MX2: variants seen among roughly 807,000 people sequenced by gnomAD.
The protein encoded by MX2 is interferon-induced GTP-binding protein Mx2.
Under a neutral mutation model 74.0 loss-of-function variants are expected in MX2, and 51 were observed. That is an observed-to-expected ratio of 0.69 (90% CI 0.55 to 0.87). The LOEUF is 0.87. Ranked by LOEUF, MX2 falls within the 40% of genes least tolerant of loss-of-function variation. The pLI, the probability that MX2 is intolerant of heterozygous loss-of-function variation, is 0.00. For missense variants in MX2, 832 were observed against 908.7 expected, an observed-to-expected ratio of 0.92 and a Z score of 1.09; for synonymous variants, 369 against 339.3, an observed-to-expected ratio of 1.09 and a Z score of -0.96.
At chr21:41,403,539 C>T (rs767714477) in intron 12 of MX2, 196 bp downstream of exon 12, 29 of 749,704 alleles carry the variant, frequency 3.9e-5, no homozygotes, top group Admixed American at 1.1e-4. Flanking sequence ...GCTCAGGAGG[C>T]GGCTTCACTC....
intron 6 of MX2, among the ~76,000 whole-genome samples, chr21:41,394,261 G>C (rs576958326): frequency 7.5e-6 from 1 of 133,638 alleles, no homozygotes; most frequent in African/African-American, 3.9e-5. Context: ...GGCCCTGCCT[G>C]CCTCTCTGAT....
intron 1 of MX2, among the ~76,000 whole-genome samples, chr21:41,367,812 T>C (rs1239630770): frequency 1.3e-5 from 2 of 152,150 alleles, no homozygotes; most frequent in East Asian, 1.9e-4. Context: ...CACTGCATCT[T>C]ATCAAGGCCT....
intron 10 of MX2, chr21:41,401,174 C>A (rs1026844916): frequency 1.3e-5 from 2 of 148,706 alleles, no homozygotes; most frequent in Non-Finnish European, 2.9e-5. Context: ...GAGCCAAACA[C>A]AATTTGAGAT....
chr21:41,400,548 G>A (rs2089797523), intron 10 of MX2, among the ~76,000 whole-genome samples: 1 of 152,096 alleles, frequency 6.6e-6, no homozygotes, highest in African/African-American at 2.4e-5. Context: ...ACCTGAGACT[G>A]GGTAATTTAT....
In MX2 at chr21:41,376,278, A is replaced by G. The variant is rs2089400288; in HGVS notation, c.-71-558A>G. On this transcript the variant is annotated intron_variant, in intron 1 of 13. Coordinates refer to ENST00000330714, the MANE Select transcript of MX2 (RefSeq NM_002463.2). ...ACTGGGTGTGGTGGCTCACGACTGT[A>G]TTCCCAGCACTTTGGGATGCTGAGG... Among the ~76,000 whole-genome samples, 4 of 152,336 alleles carry G rather than the reference A, an allele frequency of 2.6e-5. No individual in the cohort carries two copies. In the South Asian group the frequency reaches 8.3e-4, roughly 32 times the overall value.
chr21:41,390,495 G>C (rs1019307755), intron 5 of MX2, 70 bp from the exon 6 acceptor site: 1 of 1,600,190 alleles, frequency 6.2e-7, no homozygotes. Context: ...ATGCCTGCCT[G>C]CCTGGCCGTG....
chr21:41,379,393 C>T (rs1391554395), intron 3 of MX2, among the ~76,000 whole-genome samples: 2 of 152,224 alleles, frequency 1.3e-5, no homozygotes, highest in Non-Finnish European at 2.9e-5. Context: ...CCGCTCCCAC[C>T]TTTCCTGGGT....
rs150660002 is a variant in MX2 at position 41,397,616 on chromosome 21, T to C, written c.1074T>C (p.Val358=). The change falls in exon 8 of 14, where the codon GTT becomes GTC. Residue 358 remains valine (V), a synonymous_variant. Coordinates refer to ENST00000330714, the MANE Select transcript of MX2 (RefSeq NM_002463.2). ...ATGAATGTCTGTCTCATTTCAGAGT[T>C]CTCCTGGAGGAGGGGTCAGCCACGG... ...TFFQTHPYFR[V]LLEEGSATVP... 184 of 1,613,750 alleles carry C rather than the reference T, an allele frequency of 1.1e-4. 1 individual carries two copies. The highest frequency in any genetic ancestry group is 1.5e-4 in the Admixed American group (9 of 60,024).
In MX2 at chr21:41,377,080, C is replaced by A. The variant is rs2089414459; in HGVS notation, c.174C>A (p.Phe58Leu). The A allele has an allele frequency of 6.2e-7, 1 of 1,614,114 alleles. No individual in the cohort carries two copies. The highest frequency in any genetic ancestry group is 1.1e-5 in the South Asian group (1 of 91,096). Reference protein sequence around the residue: ...NWQGAEKDAAFLAKDFNFLTL... With the variant: ...NWQGAEKDAALLAKDFNFLTL... ...AGGGGGCAGAGAAGGACGCTGCTTT[C>A]CTCGCCAAGGACTTCAACTTTCTCA... Residue 58 changes from phenylalanine to leucine, a missense_variant, in exon 2 of 14, where the codon TTC (phenylalanine) becomes TTA (leucine). Transcript: ENST00000330714.
In MX2 at chr21:41,408,286, G is replaced by A. The variant is rs144806902; in HGVS notation, c.*53G>A. On this transcript the variant is annotated 3_prime_UTR_variant, in exon 14 of 14. Coordinates refer to ENST00000330714, the MANE Select transcript of MX2 (RefSeq NM_002463.2). ...TTGTGCGTACTCATTCATTCTAAGG[G>A]GAGTCGGTGCAGGATGCCGCTTCTG... 7,952 of 1,596,024 alleles carry A rather than the reference G, an allele frequency of 5.0e-3. 36 individuals are homozygous for A. The highest frequency in any genetic ancestry group is 0.013 in the Middle Eastern group (67 of 5,262).
intron 1 of MX2, chr21:41,370,285 C>A (rs398800): frequency 0.63 from 95,997 of 152,162 alleles, 31,592 homozygotes; most frequent in East Asian, 0.8. Flanking sequence ...AAAGCTGTGA[C>A]GAGCAGAGGA....
At chr21:41,395,554 C>T (rs982539745) in intron 6 of MX2, 33 bp from the exon 7 acceptor site, 2 of 1,607,580 alleles carry the variant, frequency 1.2e-6, no homozygotes, top group Non-Finnish European at 1.7e-6. Flanking sequence ...GGATCACTGA[C>T]CTTTCCATTT....
chr21:41,379,580 CA>C (rs1175354364), intron 3 of MX2, among the ~76,000 whole-genome samples: 1 of 152,100 alleles, frequency 6.6e-6, no homozygotes, highest in Admixed American at 6.5e-5. Context: ...CCCCACCCCC[CA>C]CACTAACCAG....
chr21:41,385,709 G>A (rs2089562061), intron 5 of MX2, among the ~76,000 whole-genome samples: 1 of 152,118 alleles, frequency 6.6e-6, no homozygotes, highest in Non-Finnish European at 1.5e-5. Context: ...TGGTGCCTCA[G>A]GGAATAGAGA....
chr21:41,394,134 C>A (rs1483248870), intron 6 of MX2, among the ~76,000 whole-genome samples: 1 of 152,234 alleles, frequency 6.6e-6, no homozygotes, highest in African/African-American at 2.4e-5. Context: ...TCTCCACTGG[C>A]CTCCAGACAT....
intron 12 of MX2, 116 bp downstream of exon 12, chr21:41,403,459 G>A: frequency 1.0e-6 from 1 of 962,306 alleles, no homozygotes; most frequent in Non-Finnish European, 1.7e-6. Flanking sequence ...ATGGCAGGCT[G>A]GCGAGGCTGG....
At chr21:41,403,459 G>C (rs1029438572) in intron 12 of MX2, 116 bp downstream of exon 12, 2 of 962,188 alleles carry the variant, frequency 2.1e-6, no homozygotes, top group African/African-American at 3.2e-5. Flanking sequence ...ATGGCAGGCT[G>C]GCGAGGCTGG....
chr21:41,396,801 A>C (rs768881884), intron 7 of MX2, among the ~76,000 whole-genome samples: 1 of 152,158 alleles, frequency 6.6e-6, no homozygotes, highest in African/African-American at 2.4e-5. Flanking sequence ...GAAGATTTCA[A>C]AATAATCAGG....
At chr21:41,407,840 T>TTGA in intron 13 of MX2, 151 bp from the exon 14 acceptor site, 1 of 963,170 alleles carries the variant, frequency 1.0e-6, no homozygotes, top group Non-Finnish European at 1.6e-6. Context: ...TTCACGGGGC[T>TTGA]TGATGCTGAC....
Sources: allele counts gnomAD v4.1 joint callset (sites outside exome capture counted in the v4.1 genomes callset), GRCh38; gene constraint gnomAD v4.1.1; transcripts MANE v1.5; gene names NCBI Gene and HGNC (gene_info 2026-07-23, HGNC 2026-07-21).